RUFY2: variants seen among roughly 807,000 people sequenced by gnomAD.
RUFY2 encodes RUN and FYVE domain containing 2.
RUFY2 carries 49 observed loss-of-function variants against 94.4 expected under a neutral mutation model. The observed-to-expected ratio is 0.52, with a 90% CI of 0.41 to 0.66. The LOEUF is 0.66. Ranked by LOEUF, RUFY2 falls within the 30% of genes least tolerant of loss-of-function variation. RUFY2 has a pLI of 0.00. For synonymous variants in RUFY2, 255 were observed against 235.7 expected (o/e 1.08, Z -0.75); for missense variants, 541 against 692.8 (o/e 0.78, Z 2.46).
In RUFY2 at chr10:68,359,293, TGTATATATACATATATAC is replaced by T. The variant is rs544203987; in HGVS notation, c.1551-3910_1551-3893del. 2.9e-3 allele frequency among the ~76,000 whole-genome samples: 438 copies of T among 148,668 alleles called. 2 individuals are homozygous for T. Among genetic ancestry groups the T allele is most frequent in the African/African-American group, 8.0e-3 (329 of 41,054 alleles). On this transcript the variant is annotated intron_variant, in intron 15 of 17. Coordinates refer to ENST00000602465, the MANE Select transcript of RUFY2 (RefSeq NM_001330103.2). ...TTCAGGAGGCTGAGGCAGGAGATTT[TGTATATATACATATATAC>T]GTATATATACATATATAAAATAAGC...
chr10:68,368,642 A>G (rs1438269599), intron 13 of RUFY2, among the ~76,000 whole-genome samples: 1 of 151,004 alleles, frequency 6.6e-6, no homozygotes, highest in East Asian at 1.9e-4. Flanking sequence ...CTGGGCAACA[A>G]GAGCAAAACT....
intron 16 of RUFY2, among the ~76,000 whole-genome samples, chr10:68,353,782 C>G (rs1277181347): frequency 5.3e-5 from 8 of 151,642 alleles, no homozygotes; most frequent in Admixed American, 5.3e-4. Context: ...CTGGGCAACA[C>G]AGCAAGACCC....
At chr10:68,385,128 G>A (rs936437916) in intron 8 of RUFY2, among the ~76,000 whole-genome samples, 2 of 152,274 alleles carry the variant, frequency 1.3e-5, no homozygotes, top group South Asian at 2.1e-4. Context: ...GCCGGGCGTG[G>A]TGGTGCGTGC....
intron 13 of RUFY2, among the ~76,000 whole-genome samples, chr10:68,371,455 G>A (rs2048273723): frequency 6.6e-6 from 1 of 151,842 alleles, no homozygotes; most frequent in Non-Finnish European, 1.5e-5. Flanking sequence ...AGCTGGGCAT[G>A]ATGGCGCACG....
chr10:68,369,386 G>C (rs755715456), intron 13 of RUFY2, among the ~76,000 whole-genome samples: 1 of 151,774 alleles, frequency 6.6e-6, no homozygotes, highest in Non-Finnish European at 1.5e-5. Flanking sequence ...TAGGGGGGCT[G>C]AGGCAGGAGG....
chr10:68,353,996 C>T (rs1261863299), intron 16 of RUFY2, among the ~76,000 whole-genome samples: 1 of 151,754 alleles, frequency 6.6e-6, no homozygotes, highest in Non-Finnish European at 1.5e-5. Context: ...ACATACTGAA[C>T]ATTAGTTAGA....
At chr10:68,367,633 T>A (rs945091460) in intron 13 of RUFY2, among the ~76,000 whole-genome samples, 1 of 151,940 alleles carries the variant, frequency 6.6e-6, no homozygotes, top group Non-Finnish European at 1.5e-5. Context: ...TTTTTCTTTC[T>A]TTCCTTCTTT....
intron 2 of RUFY2, among the ~76,000 whole-genome samples, chr10:68,403,505 G>C (rs1403218110): frequency 6.6e-6 from 1 of 152,146 alleles, no homozygotes; most frequent in Admixed American, 6.6e-5. Flanking sequence ...ACCCACCTCA[G>C]CCTCCCAAAG....
chr10:68,360,479 C>T (rs1333425005), intron 15 of RUFY2, among the ~76,000 whole-genome samples: 1 of 151,978 alleles, frequency 6.6e-6, no homozygotes, highest in Non-Finnish European at 1.5e-5. Context: ...TGCGGTGGCT[C>T]ACGCCTGTAA....
intron 7 of RUFY2, 108 bp from the exon 8 acceptor site, chr10:68,386,236 C>G (rs192277711): frequency 2.3e-5 from 17 of 742,440 alleles, no homozygotes; most frequent in Non-Finnish European, 3.6e-5. Context: ...CACCAACTGC[C>G]CTGTCCAAAT....
chr10:68,352,537 ATATT>A (rs2046753874), intron 16 of RUFY2, among the ~76,000 whole-genome samples: 1 of 152,218 alleles, frequency 6.6e-6, no homozygotes, highest in Non-Finnish European at 1.5e-5. Flanking sequence ...AGTACCTGAT[ATATT>A]TTACCATGTG....
chr10:68,377,534 G>A (rs1387375345), intron 12 of RUFY2: 4 of 984,110 alleles, frequency 4.1e-6, no homozygotes, highest in Non-Finnish European at 3.6e-6. Flanking sequence ...GTGTGTGCAC[G>A]TGTGCATATA....
intron 15 of RUFY2, among the ~76,000 whole-genome samples, chr10:68,356,964 G>A (rs1184046904): frequency 6.7e-6 from 1 of 150,142 alleles, no homozygotes; most frequent in Non-Finnish European, 1.5e-5. Flanking sequence ...AGGAGTTCAA[G>A]ACCAGCCTGG....
chr10:68,404,272 G>A (rs1224124397), intron 2 of RUFY2, among the ~76,000 whole-genome samples: 2 of 152,082 alleles, frequency 1.3e-5, no homozygotes, highest in African/African-American at 4.8e-5. Flanking sequence ...ATATGTTCGT[G>A]TATATATCTA....
At chr10:68,350,263 G>A (rs542202589) in intron 16 of RUFY2, among the ~76,000 whole-genome samples, 13 of 150,992 alleles carry the variant, frequency 8.6e-5, no homozygotes, top group Middle Eastern at 6.9e-3. Context: ...CACCTGGCTC[G>A]GCCTCCCAAA....
chr10:68,395,916 T>G (rs779545502), intron 4 of RUFY2, among the ~76,000 whole-genome samples: 1 of 152,206 alleles, frequency 6.6e-6, no homozygotes, highest in Non-Finnish European at 1.5e-5. Context: ...CAAGAATGAA[T>G]GGAGGACCAC....
intron 13 of RUFY2, among the ~76,000 whole-genome samples, chr10:68,376,490 A>ATATATAT (rs1564816446): frequency 4.5e-5 from 1 of 22,386 alleles, no homozygotes; most frequent in African/African-American, 7.9e-5. Context: ...ATATATATAT[A>ATATATAT]TTCTCAGAAA....
chr10:68,385,590 T>G (rs1407519193), intron 8 of RUFY2, among the ~76,000 whole-genome samples: 4 of 151,850 alleles, frequency 2.6e-5, no homozygotes, highest in Non-Finnish European at 4.4e-5. Context: ...CAAGAATTTC[T>G]TTTTTTTAAT....
chr10:68,370,051 A>G (rs1297007660), intron 13 of RUFY2, among the ~76,000 whole-genome samples: 1 of 152,204 alleles, frequency 6.6e-6, no homozygotes, highest in Non-Finnish European at 1.5e-5. Flanking sequence ...CGGGAGGCCA[A>G]GGCAGGTGGG....
Sources: gnomAD v4.1 joint callset for allele counts (sites outside exome capture counted in the v4.1 genomes callset) on GRCh38, gnomAD v4.1.1 for gene constraint, MANE v1.5 for transcripts, NCBI Gene and HGNC (gene_info 2026-07-23, HGNC 2026-07-21) for gene names.